The following RANBP10 variants were observed in gnomAD, a reference collection of about 807,000 sequenced individuals.
The protein encoded by RANBP10 is ran-binding protein 10.
A neutral mutation model predicts 72.8 loss-of-function variants in RANBP10; 24 were observed. That is an observed-to-expected ratio of 0.33 (90% CI 0.24 to 0.46). The LOEUF is 0.46. RANBP10 is among the 20% of genes least tolerant of loss of function. The probability of loss-of-function intolerance (pLI) is 1.00; values close to 1 mark genes in which losing one functional copy is unlikely to be tolerated. For missense variants in RANBP10, 679 were observed against 817.5 expected (o/e 0.83, Z 2.07); for synonymous variants, 310 against 322.3 (o/e 0.96, Z 0.41).
intron 10 of RANBP10, 160 bp from the exon 11 acceptor site, chr16:67,728,671 C>T (rs1377466785): frequency 1.5e-6 from 2 of 1,340,228 alleles, no homozygotes; most frequent in East Asian, 2.5e-5. Context: ...CAGCACTTGG[C>T]CCCTACTGTG....
At chr16:67,793,211 T>C (rs1032260403) in intron 2 of RANBP10, among the ~76,000 whole-genome samples, 1 of 151,996 alleles carries the variant, frequency 6.6e-6, no homozygotes, top group Non-Finnish European at 1.5e-5. Flanking sequence ...CATAGCAGTG[T>C]GTGAACACCA....
intron 2 of RANBP10, among the ~76,000 whole-genome samples, chr16:67,777,557 T>TA (rs2054729870): frequency 6.6e-6 from 1 of 151,038 alleles, no homozygotes; most frequent in Non-Finnish European, 1.5e-5. Flanking sequence ...AAAAAAAAAG[T>TA]AAAAAAACTT....
At chr16:67,797,489 C>A (rs2055155142) in intron 2 of RANBP10, among the ~76,000 whole-genome samples, 1 of 152,174 alleles carries the variant, frequency 6.6e-6, no homozygotes, top group Non-Finnish European at 1.5e-5. Context: ...GGAAATATAG[C>A]AAGACCCTGT....
At chr16:67,786,259 G>T (rs1329511093) in intron 2 of RANBP10, among the ~76,000 whole-genome samples, 1 of 151,986 alleles carries the variant, frequency 6.6e-6, no homozygotes, top group Non-Finnish European at 1.5e-5. Flanking sequence ...AGCCCAGGAG[G>T]TTAAGTCTGC....
At chr16:67,790,747 T>G (rs2055008564) in intron 2 of RANBP10, among the ~76,000 whole-genome samples, 1 of 151,880 alleles carries the variant, frequency 6.6e-6, no homozygotes, top group Non-Finnish European at 1.5e-5. Context: ...TTGCCTAGGC[T>G]GGAGTGCAGT....
chr16:67,794,343 G>A (rs1217417783), intron 2 of RANBP10, among the ~76,000 whole-genome samples: 1 of 151,464 alleles, frequency 6.6e-6, no homozygotes, highest in African/African-American at 2.4e-5. Flanking sequence ...AGGCTGAGGC[G>A]GGAGAATTGC....
At chr16:67,798,024 G>A (rs930393118) in intron 2 of RANBP10, among the ~76,000 whole-genome samples, 1 of 149,086 alleles carries the variant, frequency 6.7e-6, no homozygotes, top group African/African-American at 2.5e-5. Context: ...AAAGAACAGT[G>A]GCCACCATCT....
intron 2 of RANBP10, among the ~76,000 whole-genome samples, chr16:67,777,212 C>T (rs1350477886): frequency 6.8e-6 from 1 of 146,764 alleles, no homozygotes; most frequent in Non-Finnish European, 1.5e-5. Context: ...CTCCGTCCCC[C>T]ACCCAAAAAA....
chr16:67,733,821 A>C (rs1426415976), intron 6 of RANBP10, among the ~76,000 whole-genome samples: 1 of 152,222 alleles, frequency 6.6e-6, no homozygotes, highest in African/African-American at 2.4e-5. Flanking sequence ...TAAAAACCCC[A>C]AAACAAAAAC....
chr16:67,761,161 T>C (rs1258849580), intron 3 of RANBP10, among the ~76,000 whole-genome samples: 1 of 152,208 alleles, frequency 6.6e-6, no homozygotes, highest in Non-Finnish European at 1.5e-5. Flanking sequence ...AAAAAACACC[T>C]TGCAAAAGAT....
chr16:67,763,070 A>G (rs2054428831), intron 3 of RANBP10, among the ~76,000 whole-genome samples: 1 of 152,176 alleles, frequency 6.6e-6, no homozygotes, highest in Non-Finnish European at 1.5e-5. Context: ...CACCCTACAC[A>G]GCCATGCTGG....
intron 5 of RANBP10, among the ~76,000 whole-genome samples, chr16:67,736,925 T>C (rs56845922): frequency 0.14 from 21,493 of 152,066 alleles, 1,768 homozygotes; most frequent in African/African-American, 0.22. Context: ...ACTGGGGTGT[T>C]TGGGATCCCA....
chr16:67,779,745 G>A (rs544712136), intron 2 of RANBP10, among the ~76,000 whole-genome samples: 1 of 152,296 alleles, frequency 6.6e-6, no homozygotes, highest in South Asian at 2.1e-4. Context: ...CCTGTACCCA[G>A]TATGATGCTG....
At chr16:67,742,483 G>A (rs1470146784) in intron 4 of RANBP10, among the ~76,000 whole-genome samples, 1 of 152,178 alleles carries the variant, frequency 6.6e-6, no homozygotes, top group Admixed American at 6.5e-5. Flanking sequence ...TGAGGTCTTG[G>A]ATGGGGGTCT....
At chr16:67,785,687 C>T in intron 2 of RANBP10, among the ~76,000 whole-genome samples, 1 of 145,082 alleles carries the variant, frequency 6.9e-6, no homozygotes, top group East Asian at 2.0e-4. Context: ...GAGATCACAC[C>T]ACTGCACTCC....
intron 4 of RANBP10, among the ~76,000 whole-genome samples, chr16:67,741,391 C>T (rs544055101): frequency 3.9e-5 from 6 of 152,324 alleles, no homozygotes; most frequent in African/African-American, 1.4e-4. Flanking sequence ...GCTCCTCCAG[C>T]CTGCAACATC....
At position 67,805,467 on chromosome 16, in the gene RANBP10, T is replaced by C; in HGVS notation, c.308A>G (p.Tyr103Cys). 6.2e-7 allele frequency: 1 copy of C among 1,614,124 alleles called. No homozygotes were observed. The highest frequency in any genetic ancestry group is 1.1e-5 in the South Asian group (1 of 91,070). The change falls in exon 2 of 14, where the codon TAT becomes TGT. Residue 103 changes from tyrosine (Y) to cysteine (C), a missense_variant. Tyr to Cys is a radical substitution (Grantham distance 194, BLOSUM62 -2). Coordinates refer to ENST00000317506, the MANE Select transcript of RANBP10 (RefSeq NM_020850.3). ...GCTGACAATCTTCACTTCAAAGTAA[T>C]AAATGCCACAGGCAGCAGGTATGGG... ...THPIPAACGIYYFEVKIVSKG... is the reference protein window; with the variant it reads ...THPIPAACGICYFEVKIVSKG...
At chr16:67,793,106 C>T (rs2055059387) in intron 2 of RANBP10, among the ~76,000 whole-genome samples, 1 of 152,066 alleles carries the variant, frequency 6.6e-6, no homozygotes, top group Non-Finnish European at 1.5e-5. Flanking sequence ...GCCACTAATG[C>T]CCCAGCTTAA....
intron 3 of RANBP10, among the ~76,000 whole-genome samples, chr16:67,747,945 C>T (rs975142033): frequency 2.0e-5 from 3 of 151,292 alleles, no homozygotes; most frequent in South Asian, 2.1e-4. Flanking sequence ...GTCAGTCTCC[C>T]GAGTAGCTGG....
Sources: allele counts gnomAD v4.1 joint callset (sites outside exome capture counted in the v4.1 genomes callset), GRCh38; gene constraint gnomAD v4.1.1; transcripts MANE v1.5; gene names NCBI Gene and HGNC (gene_info 2026-07-23, HGNC 2026-07-21).